The following COL14A1 variants were observed in gnomAD, a reference collection of about 807,000 sequenced individuals.
COL14A1 encodes the protein collagen alpha-1(XIV) chain.
COL14A1 carries 136 observed loss-of-function variants against 230.3 expected under a neutral mutation model. The observed-to-expected ratio is 0.59, with a 90% CI of 0.51 to 0.68. COL14A1 has a LOEUF of 0.68. Among genes scored for constraint, COL14A1 ranks in the 30% least tolerant of loss-of-function variants. The pLI is 0.00. For missense variants in COL14A1, 1,976 were observed against 2,215.8 expected (o/e 0.89, Z 2.17); for synonymous variants, 792 against 784.1 (o/e 1.01, Z -0.17).
At chr8:120,281,482 T>TTGAGCTCAGGAGGTTGAAGCTGCAG (rs1463066234) in intron 31 of COL14A1, among the ~76,000 whole-genome samples, 166 of 151,818 alleles carry the variant, frequency 1.1e-3, no homozygotes, top group African/African-American at 3.9e-3. Flanking sequence ...GGAGGATTGC[T>TTGAGCTCAGGAGGTTGAAGCTGCAG]TGAGCTCAGG....
Position 120,328,378 on chromosome 8 carries a change from G to A in COL14A1, c.4660-3763G>A, listed in dbSNP as rs138458349. On this transcript the variant is annotated intron_variant, in intron 40 of 47. Transcript: ENST00000297848. Reference sequence around the variant, plus strand: ...TGGGACTACAGGCACAAGCCACCAGGCAGAGCAATTTTTTTTTAATTTTTT... The same window carrying A: ...TGGGACTACAGGCACAAGCCACCAGACAGAGCAATTTTTTTTTAATTTTTT... Among the ~76,000 whole-genome samples the A allele has an allele frequency of 4.3e-3, 644 of 149,008 alleles. 1 individual carries two copies. The highest frequency in any genetic ancestry group is 9.4e-3 in the Admixed American group (139 of 14,732).
chr8:120,257,493 A>T (rs959866243), intron 23 of COL14A1, among the ~76,000 whole-genome samples: 2 of 152,186 alleles, frequency 1.3e-5, no homozygotes, highest in East Asian at 3.8e-4. Flanking sequence ...GGATAGTTTA[A>T]CTCATACAAA....
At chr8:120,200,716 TA>T (rs1463760509) in intron 8 of COL14A1, among the ~76,000 whole-genome samples, 97 of 1,966 alleles carry the variant, frequency 0.049, 1 homozygote, top group East Asian at 0.27. Context: ...TTTTCCTATT[TA>T]TATATATATA....
chr8:120,365,326 A>G (rs535720511), intron 45 of COL14A1, among the ~76,000 whole-genome samples: 1 of 152,190 alleles, frequency 6.6e-6, no homozygotes, highest in Non-Finnish European at 1.5e-5. Flanking sequence ...GTGAGAGGCC[A>G]CTGAGTCACC....
chr8:120,278,341 T>C (rs1213172314), intron 27 of COL14A1, 94 bp from the exon 28 acceptor site: 20 of 1,507,894 alleles, frequency 1.3e-5, no homozygotes, highest in Admixed American at 2.2e-5. Flanking sequence ...ATTTTTTTTT[T>C]CATTAATTTA....
intron 14 of COL14A1, among the ~76,000 whole-genome samples, chr8:120,217,391 C>T (rs1157676580): frequency 1.3e-5 from 2 of 151,976 alleles, no homozygotes; most frequent in Non-Finnish European, 2.9e-5. Flanking sequence ...AGCAAAACAG[C>T]GAGGTTATTT....
intron 26 of COL14A1, among the ~76,000 whole-genome samples, chr8:120,274,322 T>C (rs1472400832): frequency 4.0e-5 from 6 of 151,846 alleles, no homozygotes; most frequent in Non-Finnish European, 1.5e-5. Flanking sequence ...AGAAAGGACA[T>C]ACCTCAAAAT....
chr8:120,295,439 G>T (rs566521437), intron 34 of COL14A1, among the ~76,000 whole-genome samples: 18 of 151,886 alleles, frequency 1.2e-4, no homozygotes, highest in African/African-American at 4.1e-4. Flanking sequence ...CCCCATAGCG[G>T]CAATCTGAAG....
At chr8:120,180,701 C>CTT (rs34377563) in intron 5 of COL14A1, among the ~76,000 whole-genome samples, 20,290 of 83,752 alleles carry the variant, frequency 0.24, 2,864 homozygotes, top group East Asian at 0.38. Flanking sequence ...GGTAGGAAGC[C>CTT]TTTTTTTTTT....
At chr8:120,354,297 C>T (rs1430703150) in intron 45 of COL14A1, among the ~76,000 whole-genome samples, 1 of 116,742 alleles carries the variant, frequency 8.6e-6, no homozygotes, top group East Asian at 2.5e-4. Flanking sequence ...TGCTAGATGA[C>T]GAGTTAGTGG....
rs1317901768 is a variant in COL14A1 at position 120,371,472 on chromosome 8, G to A, written c.*241G>A. ...TTTCCCTTTGGTGTCTTAATGGCAT[G>A]TCAGATAATTTGTTTTTCCAGAGAA... On this transcript the variant is annotated 3_prime_UTR_variant, in exon 48 of 48. Transcript: ENST00000297848. 5.3e-5 allele frequency: 21 copies of A among 395,278 alleles called. No individual in the cohort carries two copies. The highest frequency in any genetic ancestry group is 1.3e-4 in the Admixed American group (3 of 22,646). The allele number at this position is 395,278 out of a possible 1,614,324, so 24.5% of individuals were successfully genotyped here.
At chr8:120,357,601 G>C (rs1030363919) in intron 45 of COL14A1, among the ~76,000 whole-genome samples, 1 of 152,124 alleles carries the variant, frequency 6.6e-6, no homozygotes, top group Non-Finnish European at 1.5e-5. Flanking sequence ...GTCAGTGTCT[G>C]TTTAAACCAT....
intron 14 of COL14A1, among the ~76,000 whole-genome samples, chr8:120,221,611 T>G (rs758424962): frequency 4.6e-5 from 7 of 151,868 alleles, no homozygotes; most frequent in African/African-American, 1.2e-4. Context: ...TTCTTCCTCT[T>G]TGGTGTACCT....
chr8:120,139,396 C>T (rs1814821693), intron 1 of COL14A1, among the ~76,000 whole-genome samples: 1 of 152,130 alleles, frequency 6.6e-6, no homozygotes. Context: ...CTGTATAGAG[C>T]TATCATCTGG....
intron 22 of COL14A1, among the ~76,000 whole-genome samples, 199 bp from the exon 23 acceptor site, chr8:120,255,041 C>T (rs1819098349): frequency 6.6e-6 from 1 of 152,128 alleles, no homozygotes; most frequent in Admixed American, 6.5e-5. Context: ...CAGACCACAT[C>T]ATGCATAATG....
chr8:120,214,610 C>T (rs925310455), intron 13 of COL14A1, among the ~76,000 whole-genome samples: 1 of 152,140 alleles, frequency 6.6e-6, no homozygotes, highest in African/African-American at 2.4e-5. Context: ...CACAAAGCCA[C>T]TGTGATTTAT....
intron 18 of COL14A1, 142 bp downstream of exon 18, chr8:120,228,911 C>T: frequency 1.5e-6 from 1 of 655,686 alleles, no homozygotes; most frequent in South Asian, 1.9e-5. Context: ...AAATTTCACG[C>T]CTCTCAGAGC....
intron 5 of COL14A1, among the ~76,000 whole-genome samples, chr8:120,182,260 T>G (rs531027957): frequency 6.6e-6 from 1 of 152,196 alleles, no homozygotes; most frequent in Non-Finnish European, 1.5e-5. Context: ...AGGACTGATA[T>G]TGATTTTGGC....
intron 36 of COL14A1, among the ~76,000 whole-genome samples, chr8:120,303,966 T>C (rs1275414215): frequency 1.3e-5 from 2 of 152,160 alleles, no homozygotes; most frequent in East Asian, 3.8e-4. Context: ...GGTTTAGTCT[T>C]GGGAGGGTGT....
Sources: allele counts gnomAD v4.1 joint callset (sites outside exome capture counted in the v4.1 genomes callset), GRCh38; gene constraint gnomAD v4.1.1; transcripts MANE v1.5; gene names NCBI Gene and HGNC (gene_info 2026-07-23, HGNC 2026-07-21).